The following TET3 variants were observed in gnomAD, a reference collection of about 807,000 sequenced individuals.
The protein encoded by TET3 is tet methylcytosine dioxygenase 3, also known as methylcytosine dioxygenase TET3.
TET3 carries 19 observed loss-of-function variants against 141.4 expected under a neutral mutation model. That is an observed-to-expected ratio of 0.13 (90% CI 0.09 to 0.20). The LOEUF (loss-of-function observed/expected upper bound fraction) is 0.20. Ranked by LOEUF, TET3 falls within the 10% of genes least tolerant of loss-of-function variation. The probability of loss-of-function intolerance (pLI) is 1.00; values close to 1 mark genes in which losing one functional copy is unlikely to be tolerated. For missense variants in TET3, 1,874 were observed against 2,356.9 expected, an observed-to-expected ratio of 0.80 and a Z score of 4.24; for synonymous variants, 1,043 against 980.9, an observed-to-expected ratio of 1.06 and a Z score of -1.18.
intron 3 of TET3, among the ~76,000 whole-genome samples, chr2:74,013,106 C>T (rs1685549331): frequency 6.6e-6 from 1 of 151,842 alleles, no homozygotes; most frequent in Non-Finnish European, 1.5e-5. Flanking sequence ...GGGATTCTCC[C>T]ATCTCAGCCT....
At chr2:73,991,805 CAAAAAAAAAAA>C (rs772400180) in intron 2 of TET3, among the ~76,000 whole-genome samples, 3 of 79,624 alleles carry the variant, frequency 3.8e-5, no homozygotes, top group South Asian at 4.5e-4. Flanking sequence ...AACTCTGTCT[CAAAAAAAAAAA>C]AAAAAAAAAA....
chr2:74,130,207 G>A, the TET3 span, among the ~76,000 whole-genome samples: 1 of 152,114 alleles, frequency 6.6e-6, no homozygotes, highest in Non-Finnish European at 1.5e-5. Flanking sequence ...AACCCGTCGG[G>A]CATCTTTTAG....
chr2:73,988,543 G>A (rs771650517), intron 2 of TET3, among the ~76,000 whole-genome samples: 1 of 152,200 alleles, frequency 6.6e-6, no homozygotes, highest in Non-Finnish European at 1.5e-5. Flanking sequence ...GGCCCAGGCT[G>A]CCGGGTGGTC....
chr2:74,061,588 C>A (rs181817998), intron 4 of TET3, among the ~76,000 whole-genome samples: 17,223 of 134,120 alleles, frequency 0.13, 1,192 homozygotes, highest in East Asian at 0.44. Flanking sequence ...GCTGGCCGGG[C>A]GGGGGGCTGA....
At chr2:73,985,707 C>T (rs554063873) in intron 1 of TET3, among the ~76,000 whole-genome samples, 46 of 152,174 alleles carry the variant, frequency 3.0e-4, no homozygotes, top group African/African-American at 1.1e-3. Context: ...CTCTCACCAG[C>T]CCGTGGGGGT....
intron 3 of TET3, among the ~76,000 whole-genome samples, chr2:74,020,316 TG>T (rs1685966470): frequency 6.6e-6 from 1 of 152,160 alleles, no homozygotes; most frequent in Non-Finnish European, 1.5e-5. Context: ...CCCTAGTAGT[TG>T]GGACTACAGG....
At chr2:74,055,559 G>T (rs1426632257) in intron 4 of TET3, among the ~76,000 whole-genome samples, 1 of 152,166 alleles carries the variant, frequency 6.6e-6, no homozygotes, top group African/African-American at 2.4e-5. Flanking sequence ...CATTAAAGTG[G>T]AATCTAATTA....
chr2:74,028,344 G>A (rs1475041059), intron 3 of TET3, among the ~76,000 whole-genome samples: 1 of 151,274 alleles, frequency 6.6e-6, no homozygotes, highest in Non-Finnish European at 1.5e-5. Flanking sequence ...TAATTTTGAT[G>A]AAGTACAGTT....
intron 4 of TET3, among the ~76,000 whole-genome samples, chr2:74,063,628 A>G (rs1012183906): frequency 6.6e-6 from 1 of 152,310 alleles, no homozygotes; most frequent in Non-Finnish European, 1.5e-5. Context: ...AGCAAATAGA[A>G]TGTGATTGCT....
At chr2:74,123,024 C>T in the TET3 span, 5 of 152,188 alleles carry the variant, frequency 3.3e-5, no homozygotes, top group Admixed American at 6.5e-5. Context: ...GAACTGCTTC[C>T]TGCCTTAGGG....
chr2:74,024,560 C>T (rs1195209004), intron 3 of TET3, among the ~76,000 whole-genome samples: 1 of 151,996 alleles, frequency 6.6e-6, no homozygotes, highest in Non-Finnish European at 1.5e-5. Context: ...CAGTGTCCCT[C>T]AGTGTTAGAT....
the TET3 span, chr2:74,134,829 C>T: frequency 2.2e-6 from 1 of 449,230 alleles, no homozygotes; most frequent in East Asian, 7.0e-5. Flanking sequence ...CAATCAGCTG[C>T]CACTACCACC....
rs571479182 is a variant in TET3, at chr2:74,100,998, C to G, written c.4210C>G (p.Leu1404Val). Reference protein sequence around the residue: ...RSIKQEPVDPLTQAEPVPRDA... With the variant: ...RSIKQEPVDPVTQAEPVPRDA... ...CATCAAGCAAGAGCCAGTAGACCCG[C>G]TGACCCAGGCTGAGCCTGTGCCCAG... Residue 1404 changes from leucine to valine, a missense_variant, in exon 12 of 12, where the codon CTG (leucine) becomes GTG (valine). Physicochemically the swap from Leu to Val is conservative, Grantham distance 32. This residue lies in a region of TET3 where 602 missense variants were observed against 590.2 expected (regional missense o/e 1.02). Transcript: ENST00000409262. 2.6e-4 allele frequency: 422 copies of G among 1,612,928 alleles called. 5 individuals are homozygous for G. In the South Asian group the frequency reaches 4.4e-3, roughly 17 times the overall value.
intron 6 of TET3, 46 bp downstream of exon 6, chr2:74,080,637 C>A: frequency 6.4e-7 from 1 of 1,562,236 alleles, no homozygotes; most frequent in Non-Finnish European, 8.7e-7. Context: ...CCTGGTTCCC[C>A]TTGCTGCATG....
At chr2:74,128,695 T>A in the TET3 span, among the ~76,000 whole-genome samples, 17 of 149,486 alleles carry the variant, frequency 1.1e-4, no homozygotes, top group Non-Finnish European at 2.2e-4. Flanking sequence ...ATAAAGACTA[T>A]TAGAAAAAAA....
chr2:74,099,005 C>T (rs1185994289), intron 10 of TET3, among the ~76,000 whole-genome samples: 1 of 152,186 alleles, frequency 6.6e-6, no homozygotes, highest in Non-Finnish European at 1.5e-5. Context: ...TGGCCAGGCC[C>T]CTTGCCAGGT....
intron 4 of TET3, among the ~76,000 whole-genome samples, chr2:74,059,861 C>T (rs1466899282): frequency 2.0e-5 from 3 of 152,142 alleles, no homozygotes; most frequent in South Asian, 2.1e-4. Flanking sequence ...TTATCTGCCC[C>T]GTCGTTCATT....
the TET3 span, among the ~76,000 whole-genome samples, chr2:74,124,416 C>A: frequency 6.6e-6 from 1 of 152,056 alleles, no homozygotes; most frequent in Non-Finnish European, 1.5e-5. Context: ...TGCCCAGCCG[C>A]CACCCCGTCT....
chr2:74,010,667 G>A (rs1224040925), intron 3 of TET3, among the ~76,000 whole-genome samples: 1 of 152,246 alleles, frequency 6.6e-6, no homozygotes, highest in African/African-American at 2.4e-5. Flanking sequence ...ATTTGAATGT[G>A]CAGTCAGAGT....
Sources: gnomAD v4.1 joint callset for allele counts (sites outside exome capture counted in the v4.1 genomes callset) on GRCh38, gnomAD v4.1.1 for gene constraint, gnomAD v4.1.1 regional missense constraint, MANE v1.5 for transcripts, NCBI Gene and HGNC (gene_info 2026-07-23, HGNC 2026-07-21) for gene names.